The following UBE2D1 variants were observed in gnomAD, a reference collection of about 807,000 sequenced individuals.
UBE2D1 encodes ubiquitin-conjugating enzyme E2 D1.
Under a neutral mutation model 24.6 loss-of-function variants are expected in UBE2D1, and 9 were observed. That is an observed-to-expected ratio of 0.37 (90% CI 0.22 to 0.64). The LOEUF (loss-of-function observed/expected upper bound fraction) is 0.64. UBE2D1 is among the 30% of genes least tolerant of loss of function. The probability of loss-of-function intolerance (pLI) is 0.64; values close to 1 mark genes in which losing one functional copy is unlikely to be tolerated. For missense variants in UBE2D1, 87 were observed against 177.1 expected, an observed-to-expected ratio of 0.49 and a Z score of 2.89; for synonymous variants, 57 against 57.6, an observed-to-expected ratio of 0.99 and a Z score of 0.04.
At chr10:58,364,567 A>G in intron 4 of UBE2D1, 1 of 495,198 alleles carries the variant, frequency 2.0e-6, no homozygotes, top group East Asian at 3.3e-5. Flanking sequence ...AAAAGAAGGA[A>G]GCTGACTTGT....
At chr10:58,364,642 G>T (rs528168939) in intron 4 of UBE2D1, 129 bp from the exon 5 acceptor site, 7 of 633,522 alleles carry the variant, frequency 1.1e-5, no homozygotes, top group Non-Finnish European at 1.9e-5. Context: ...TTTGATTTGT[G>T]TTGATGACTT....
At chr10:58,335,864 T>C (rs562679218) in intron 1 of UBE2D1, among the ~76,000 whole-genome samples, 10 of 152,272 alleles carry the variant, frequency 6.6e-5, no homozygotes, top group African/African-American at 2.4e-4. Context: ...AGCGAAAACA[T>C]AGTTGCTGAT....
Position 58,342,136 on chromosome 10 carries a change from G to A in UBE2D1, c.24+6911G>A, listed in dbSNP as rs117338970. On this transcript the variant is annotated intron_variant, in intron 1 of 6. Transcript: ENST00000373910. ...AGTTTCACACATTAGACAATAACAG[G>A]CTGTTGTGTTCCAGGATTGTCCTTA... 3.4e-3 allele frequency among the ~76,000 whole-genome samples: 517 copies of A among 152,252 alleles called. 13 individuals carry two copies. In the East Asian group the frequency reaches 0.075, roughly 22 times the overall value.
At chr10:58,354,150 C>T (rs942514632) in intron 1 of UBE2D1, among the ~76,000 whole-genome samples, 12 of 152,108 alleles carry the variant, frequency 7.9e-5, no homozygotes, top group African/African-American at 2.9e-4. Context: ...ATTCTCAGTA[C>T]AGTTCTTAAA....
chr10:58,346,932 G>A (rs1398148936), intron 1 of UBE2D1, among the ~76,000 whole-genome samples: 1 of 152,186 alleles, frequency 6.6e-6, no homozygotes, highest in Non-Finnish European at 1.5e-5. Context: ...CAGGGTGTTT[G>A]TACCACCTGG....
intron 1 of UBE2D1, chr10:58,360,843 T>G (rs1840188153): frequency 2.6e-6 from 1 of 389,822 alleles, no homozygotes; most frequent in Non-Finnish European, 5.0e-6. Flanking sequence ...GAGGATCGCT[T>G]AGGCCCAGGA....
At chr10:58,347,562 GA>G (rs1337187819) in intron 1 of UBE2D1, among the ~76,000 whole-genome samples, 2 of 151,996 alleles carry the variant, frequency 1.3e-5, no homozygotes. Context: ...AAAACTGGGG[GA>G]AAGTGGTTGA....
At chr10:58,352,032 A>C (rs563051566) in intron 1 of UBE2D1, among the ~76,000 whole-genome samples, 2 of 152,146 alleles carry the variant, frequency 1.3e-5, no homozygotes, top group Non-Finnish European at 2.9e-5. Flanking sequence ...TAATTGACCC[A>C]GCACCATCTA....
At chr10:58,353,366 A>C (rs1436585331) in intron 1 of UBE2D1, among the ~76,000 whole-genome samples, 1 of 152,180 alleles carries the variant, frequency 6.6e-6, no homozygotes, top group African/African-American at 2.4e-5. Flanking sequence ...CACGCCACAG[A>C]CTGCAGCTTG....
At chr10:58,347,333 C>T (rs1205414304) in intron 1 of UBE2D1, among the ~76,000 whole-genome samples, 1 of 152,142 alleles carries the variant, frequency 6.6e-6, no homozygotes, top group East Asian at 1.9e-4. Flanking sequence ...CGAATAAATG[C>T]ATTTTTACTG....
At chr10:58,365,140 G>A (rs1840241469) in intron 5 of UBE2D1, among the ~76,000 whole-genome samples, 1 of 152,222 alleles carries the variant, frequency 6.6e-6, no homozygotes, top group Middle Eastern at 3.4e-3. Flanking sequence ...TAAACCTATT[G>A]ATATTTTATC....
At chr10:58,352,591 GA>G (rs1379659741) in intron 1 of UBE2D1, among the ~76,000 whole-genome samples, 6 of 148,994 alleles carry the variant, frequency 4.0e-5, no homozygotes, top group East Asian at 2.0e-4. Context: ...CTCTTAAATC[GA>G]AAAAAAAAAT....
chr10:58,360,836 G>T (rs1467827944), intron 1 of UBE2D1: 4 of 374,832 alleles, frequency 1.1e-5, no homozygotes, highest in South Asian at 2.0e-5. Flanking sequence ...GAGGTGGGAG[G>T]ATCGCTTAGG....
chr10:58,338,246 T>G (rs1277822430), intron 1 of UBE2D1, among the ~76,000 whole-genome samples: 2 of 152,206 alleles, frequency 1.3e-5, no homozygotes, highest in Non-Finnish European at 2.9e-5. Context: ...GGATTAAAAT[T>G]ATATGTAAAG....
chr10:58,356,426 T>A (rs1055432363), intron 1 of UBE2D1, among the ~76,000 whole-genome samples: 1 of 152,184 alleles, frequency 6.6e-6, no homozygotes, highest in Non-Finnish European at 1.5e-5. Context: ...TGTTTCACTG[T>A]TTTAAATAGC....
At chr10:58,367,354 T>TA (rs1238482148) in intron 5 of UBE2D1, among the ~76,000 whole-genome samples, 1 of 152,136 alleles carries the variant, frequency 6.6e-6, no homozygotes, top group Non-Finnish European at 1.5e-5. Flanking sequence ...AATTTTGACA[T>TA]ACTGGAGTAA....
chr10:58,344,874 T>G (rs1178908414), intron 1 of UBE2D1, among the ~76,000 whole-genome samples: 4 of 151,722 alleles, frequency 2.6e-5, no homozygotes, highest in South Asian at 2.1e-4. Flanking sequence ...TTTGTTTTTT[T>G]TTTTTTTAAT....
At chr10:58,348,817 C>T (rs536100728) in intron 1 of UBE2D1, among the ~76,000 whole-genome samples, 14 of 152,274 alleles carry the variant, frequency 9.2e-5, no homozygotes, top group East Asian at 7.7e-4. Flanking sequence ...TTCTGGGAGC[C>T]AGGAGATTAA....
intron 3 of UBE2D1, 94 bp downstream of exon 3, chr10:58,361,620 A>G: frequency 6.5e-7 from 1 of 1,544,364 alleles, no homozygotes; most frequent in Non-Finnish European, 8.9e-7. Flanking sequence ...TGAAGGTTGA[A>G]TATTCTTGTA....
Sources: allele counts gnomAD v4.1 joint callset (sites outside exome capture counted in the v4.1 genomes callset), GRCh38; gene constraint gnomAD v4.1.1; transcripts MANE v1.5; gene names NCBI Gene and HGNC (gene_info 2026-07-23, HGNC 2026-07-21).